The following ADCY8 variants were observed in gnomAD, a reference collection of about 807,000 sequenced individuals.
The protein encoded by ADCY8 is adenylate cyclase type 8.
ADCY8 carries 51 observed loss-of-function variants against 119.7 expected under a neutral mutation model. The ratio of observed to expected loss-of-function variants is 0.43; its 90% CI spans 0.34 to 0.54. The LOEUF (loss-of-function observed/expected upper bound fraction) is 0.54. Among genes scored for constraint, ADCY8 ranks in the 20% least tolerant of loss-of-function variants. The probability of loss-of-function intolerance (pLI) is 0.03; values close to 1 mark genes in which losing one functional copy is unlikely to be tolerated. For missense variants in ADCY8, 1,383 were observed against 1,598.8 expected (o/e 0.87, Z 2.30); for synonymous variants, 665 against 651.0 (o/e 1.02, Z -0.33).
chr8:130,951,971 G>T lies in ADCY8; in HGVS notation c.1138C>A (p.Arg380=), dbSNP rs376386996. 6.2e-7 allele frequency: 1 copy of T among 1,613,840 alleles called. No homozygotes were observed. The highest frequency in any genetic ancestry group is 8.5e-7 in the Non-Finnish European group (1 of 1,179,966). The change falls in exon 3 of 18, where the codon CGG becomes AGG. Residue 380 remains arginine (R), a synonymous_variant. Coordinates refer to ENST00000286355, the MANE Select transcript of ADCY8 (RefSeq NM_001115.3). ...QERLVLSVLP[R]FVVLEMINDM... is the part of the protein sequence containing the mutation. Reference sequence around the variant, plus strand: ...TTGATCATTTCCAGGACAACAAACCGGGGGAGCACAGAAAGCACGAGCCGC... The same window carrying T: ...TTGATCATTTCCAGGACAACAAACCTGGGGAGCACAGAAAGCACGAGCCGC...
Position 130,782,215 on chromosome 8 carries a change from G to A in ADCY8, c.3269-1338C>T, listed in dbSNP as rs75000867. On this transcript the variant is annotated intron_variant, in intron 17 of 17. Transcript: ENST00000286355. ...AAGACACGTATACCCACTGATATAA[G>A]TGACTGGAAATTTGAAAATCTCACT... Among the ~76,000 whole-genome samples, 1,426 of 152,264 alleles carry A rather than the reference G, an allele frequency of 9.4e-3. 22 individuals are homozygous for A. Among genetic ancestry groups the A allele is most frequent in the African/African-American group, 0.033 (1,384 of 41,538 alleles).
At chr8:130,989,153 C>T (rs1260135305) in intron 2 of ADCY8, among the ~76,000 whole-genome samples, 2 of 152,124 alleles carry the variant, frequency 1.3e-5, no homozygotes, top group Non-Finnish European at 2.9e-5. Flanking sequence ...TATGAGGTTC[C>T]AGAATTATTT....
chr8:130,851,220 C>A (rs1817515487), intron 9 of ADCY8, among the ~76,000 whole-genome samples: 1 of 152,186 alleles, frequency 6.6e-6, no homozygotes, highest in South Asian at 2.1e-4. Context: ...ACATCTTCCT[C>A]ATCTAGGTGA....
At chr8:130,882,118 GTT>G (rs35806429) in intron 8 of ADCY8, among the ~76,000 whole-genome samples, 47,126 of 132,778 alleles carry the variant, frequency 0.35, 8,038 homozygotes, top group East Asian at 0.63. Flanking sequence ...CCATATTGAG[GTT>G]TTTTTTTTTT....
chr8:130,981,873 C>T (rs1024829407), intron 2 of ADCY8, among the ~76,000 whole-genome samples: 6 of 152,152 alleles, frequency 3.9e-5, no homozygotes, highest in Non-Finnish European at 8.8e-5. Flanking sequence ...TATTGAGGCC[C>T]CACTATGTCA....
chr8:130,904,094 GCTA>G, intron 6 of ADCY8, 52 bp from the exon 7 acceptor site: 1 of 1,546,582 alleles, frequency 6.5e-7, no homozygotes, highest in Non-Finnish European at 8.7e-7. Flanking sequence ...GCCTGCAAAG[GCTA>G]TATTTTTTTG....
chr8:130,961,310 A>T lies in ADCY8; in HGVS notation c.1111-9312T>A, dbSNP rs374713144. ...TTTTTAGTAGAGACGGGGTTTCATC[A>T]TGCTGGCCAGGCTAGTCTTGAACTC... On this transcript the variant is annotated intron_variant, in intron 2 of 17. Transcript: ENST00000286355. 7.9e-5 allele frequency among the ~76,000 whole-genome samples: 12 copies of T among 152,086 alleles called. 1 individual carries two copies. In the East Asian group the frequency reaches 1.2e-3, roughly 15 times the overall value.
intron 14 of ADCY8, among the ~76,000 whole-genome samples, chr8:130,801,532 T>G (rs555945996): frequency 7.2e-5 from 11 of 152,364 alleles, no homozygotes; most frequent in Non-Finnish European, 1.5e-4. Flanking sequence ...CTCCTCTCCC[T>G]GCTCCTCCTC....
chr8:131,019,044 A>C lies in ADCY8; in HGVS notation c.960+20330T>G, dbSNP rs888129508. 2.6e-5 allele frequency among the ~76,000 whole-genome samples: 4 copies of C among 152,276 alleles called. No homozygotes were observed. In the East Asian group the frequency reaches 7.7e-4, roughly 29 times the overall value. The stretch of plus-strand genomic sequence containing the variant: ...TTCATTTTAGCTCAAAACACTACAG[A>C]AATGCCAGGGACTCTTGTGAAGGTG... On this transcript the variant is annotated intron_variant, in intron 1 of 17. Transcript: ENST00000286355.
chr8:130,915,957 G>C (rs1181324400), intron 5 of ADCY8, among the ~76,000 whole-genome samples: 1 of 152,158 alleles, frequency 6.6e-6, no homozygotes, highest in Admixed American at 6.5e-5. Context: ...CCAGAACAAA[G>C]GAAAGGCAAG....
At chr8:130,798,961 A>G (rs1303989418) in intron 15 of ADCY8, among the ~76,000 whole-genome samples, 4 of 152,126 alleles carry the variant, frequency 2.6e-5, no homozygotes, top group African/African-American at 7.2e-5. Flanking sequence ...CAGCCACAAA[A>G]AGAAGGAAGA....
intron 2 of ADCY8, among the ~76,000 whole-genome samples, chr8:130,969,861 CACA>C (rs1226271298): frequency 2.6e-5 from 4 of 152,210 alleles, no homozygotes; most frequent in African/African-American, 9.7e-5. Context: ...CCTAAGATCA[CACA>C]ACAAGTGAGT....
At chr8:130,874,295 A>G (rs7814878) in intron 8 of ADCY8, among the ~76,000 whole-genome samples, 100,310 of 151,130 alleles carry the variant, frequency 0.66, 33,538 homozygotes, top group East Asian at 0.92. Context: ...AAGACAAAGC[A>G]AGACTCTGAC....
At chr8:130,898,435 T>C (rs1292303571) in intron 7 of ADCY8, among the ~76,000 whole-genome samples, 1 of 132,838 alleles carries the variant, frequency 7.5e-6, no homozygotes, top group African/African-American at 2.7e-5. Context: ...TCCATCTGTG[T>C]TTATAATCCT....
At chr8:130,885,811 A>G (rs1335376800) in intron 7 of ADCY8, among the ~76,000 whole-genome samples, 2 of 152,166 alleles carry the variant, frequency 1.3e-5, no homozygotes, top group East Asian at 3.9e-4. Context: ...GCCTTTATAC[A>G]CACTCACTGC....
intron 10 of ADCY8, among the ~76,000 whole-genome samples, chr8:130,849,143 T>C (rs1421464379): frequency 6.6e-6 from 1 of 152,150 alleles, no homozygotes; most frequent in Non-Finnish European, 1.5e-5. Context: ...CAGACCTTAT[T>C]ATCAAGTTAT....
intron 6 of ADCY8, among the ~76,000 whole-genome samples, chr8:130,909,053 C>T (rs185027238): frequency 6.6e-6 from 1 of 151,764 alleles, no homozygotes; most frequent in East Asian, 1.9e-4. Flanking sequence ...TCCATCCATC[C>T]ATCCATCCAT....
intron 7 of ADCY8, among the ~76,000 whole-genome samples, chr8:130,899,366 G>A (rs1819517484): frequency 6.6e-6 from 1 of 152,152 alleles, no homozygotes; most frequent in Non-Finnish European, 1.5e-5. Context: ...AGAACTTTGG[G>A]AGTCTGAGGC....
intron 15 of ADCY8, among the ~76,000 whole-genome samples, chr8:130,789,849 C>A (rs552831668): frequency 9.6e-4 from 146 of 152,284 alleles, no homozygotes; most frequent in Non-Finnish European, 1.7e-3. Context: ...AATTGCGGCC[C>A]CTTCAGTCCT....
Sources: allele counts gnomAD v4.1 joint callset (sites outside exome capture counted in the v4.1 genomes callset), GRCh38; gene constraint gnomAD v4.1.1; transcripts MANE v1.5; gene names NCBI Gene and HGNC (gene_info 2026-07-23, HGNC 2026-07-21).